Variants in SLC5A11 observed in about 807,000 individuals in gnomAD.
The protein encoded by SLC5A11 is sodium/myo-inositol cotransporter 2.
A neutral mutation model predicts 69.8 loss-of-function variants in SLC5A11; 48 were observed. The observed-to-expected ratio is 0.69, with a 90% CI of 0.55 to 0.87. The LOEUF is 0.87. SLC5A11 is among the 40% of genes least tolerant of loss of function. The pLI is 0.00. For synonymous variants in SLC5A11, 319 were observed against 342.4 expected (o/e 0.93, Z 0.75); for missense variants, 784 against 866.1 (o/e 0.91, Z 1.19).
intron 1 of SLC5A11, among the ~76,000 whole-genome samples, chr16:24,853,258 C>G (rs1044133783): frequency 7.0e-6 from 1 of 143,646 alleles, no homozygotes; most frequent in African/African-American, 2.7e-5. Context: ...GTCCCCAGGG[C>G]CTAGTACAGA....
At chr16:24,850,051 C>G (rs1002353086) in intron 1 of SLC5A11, among the ~76,000 whole-genome samples, 1 of 152,094 alleles carries the variant, frequency 6.6e-6, no homozygotes, top group Non-Finnish European at 1.5e-5. Context: ...AATCCTTCTG[C>G]CTCAGCCTCC....
exon 6 of SLC5A11, chr16:24,875,677 C>T (rs2047625017): frequency 1.3e-5 from 21 of 1,612,812 alleles, no homozygotes; most frequent in Non-Finnish European, 1.8e-5. Flanking sequence ...GCATCAGAAT[C>T]CCCATCATCC....
intron 1 of SLC5A11, among the ~76,000 whole-genome samples, chr16:24,852,624 C>G (rs1225868030): frequency 6.6e-6 from 1 of 152,186 alleles, no homozygotes; most frequent in Non-Finnish European, 1.5e-5. Flanking sequence ...CATCACCATG[C>G]AAGGGACAAA....
Position 24,894,749 on chromosome 16 carries a change from CG to C in SLC5A11, c.871-3223del, listed in dbSNP as rs550390091. 2.3e-3 allele frequency among the ~76,000 whole-genome samples: 351 copies of C among 151,824 alleles called. 1 individual carries two copies. Among genetic ancestry groups the C allele is most frequent in the Non-Finnish European group, 4.3e-3 (290 of 67,956 alleles). On this transcript the variant is annotated intron_variant, in intron 9 of 15. Transcript: ENST00000347898. The stretch of plus-strand genomic sequence containing the variant: ...CGGGAGGCGGAGCTTGCAGTGAACC[CG>C]GATCGCGCCACTGCACTCCAGCCTG...
chr16:24,901,943 C>CACAT (rs1210225065), intron 10 of SLC5A11, among the ~76,000 whole-genome samples: 1 of 118,072 alleles, frequency 8.5e-6, no homozygotes, highest in African/African-American at 3.4e-5. Context: ...CACACACACA[C>CACAT]ACACACACAC....
chr16:24,897,478 T>G (rs778143267), intron 9 of SLC5A11, among the ~76,000 whole-genome samples: 12 of 152,112 alleles, frequency 7.9e-5, no homozygotes, highest in Non-Finnish European at 1.0e-4. Flanking sequence ...AAAGAGATGT[T>G]TCTTCAAACA....
intron 7 of SLC5A11, among the ~76,000 whole-genome samples, chr16:24,882,303 T>C (rs909258124): frequency 1.3e-5 from 2 of 152,146 alleles, no homozygotes; most frequent in Admixed American, 1.3e-4. Context: ...ATGGTGGGGT[T>C]AAGTGGTACC....
intron 8 of SLC5A11, among the ~76,000 whole-genome samples, chr16:24,888,657 T>C (rs1219537173): frequency 1.3e-5 from 2 of 151,058 alleles, no homozygotes; most frequent in African/African-American, 4.9e-5. Context: ...CTTATTTTTG[T>C]ATTTTTAGTA....
chr16:24,908,616 A>AAG (rs35559524), intron 13 of SLC5A11, among the ~76,000 whole-genome samples: 12 of 151,528 alleles, frequency 7.9e-5, no homozygotes, highest in Non-Finnish European at 1.3e-4. Context: ...AAAAAAAAAA[A>AAG]GCAATGAGAG....
At chr16:24,849,621 T>TGC (rs1555516002) in intron 1 of SLC5A11, among the ~76,000 whole-genome samples, 1 of 123,698 alleles carries the variant, frequency 8.1e-6, no homozygotes, top group African/African-American at 3.1e-5. Context: ...TATATATATA[T>TGC]ATCCATGAGA....
chr16:24,849,593 A>AAAAAAAAAAAAAAAT, intron 1 of SLC5A11, among the ~76,000 whole-genome samples: 4 of 35,908 alleles, frequency 1.1e-4, no homozygotes, highest in African/African-American at 2.8e-4. Context: ...AAAAAAAAAA[A>AAAAAAAAAAAAAAAT]ATATATATAT....
At position 24,870,434 on chromosome 16, in the gene SLC5A11, CAAAAA is replaced by C. The variant is rs1297137037; in HGVS notation, c.312+434_312+438del. 8.5e-3 allele frequency among the ~76,000 whole-genome samples: 1,169 copies of C among 137,554 alleles called. 18 individuals are homozygous for C. The highest frequency in any genetic ancestry group is 0.03 in the African/African-American group (1,089 of 36,620). 90.2% of individuals were successfully genotyped at this position (137,554 alleles called of 152,430 possible). A position where few individuals can be genotyped will look rare whatever the true frequency, so the allele number is the denominator to read the frequency against. ...ACAAAACAAAACAAAACAAAAAAAA[CAAAAA>C]AAAACACACACACACACACACACAC... On this transcript the variant is annotated intron_variant, in intron 4 of 15. Coordinates refer to ENST00000347898, the Ensembl canonical transcript of SLC5A11.
At chr16:24,895,272 TAAG>T (rs1250077838) in intron 9 of SLC5A11, among the ~76,000 whole-genome samples, 2 of 151,952 alleles carry the variant, frequency 1.3e-5, no homozygotes, top group African/African-American at 4.8e-5. Flanking sequence ...GTGGATCACT[TAAG>T]GTCAGGAGTT....
intron 6 of SLC5A11, among the ~76,000 whole-genome samples, chr16:24,876,321 A>G (rs1019299890): frequency 2.6e-5 from 4 of 152,140 alleles, no homozygotes; most frequent in South Asian, 2.1e-4. Flanking sequence ...GGGTTGATCA[A>G]TGGGACTCCA....
chr16:24,888,892 G>A (rs1191924158), intron 8 of SLC5A11, among the ~76,000 whole-genome samples: 1 of 145,168 alleles, frequency 6.9e-6, no homozygotes, highest in Non-Finnish European at 1.5e-5. Context: ...CACCTCCCGG[G>A]TTCAAGCAAT....
chr16:24,858,611 C>G lies in SLC5A11; in HGVS notation c.-24-9C>G. ...ATCTGGCATTTGACTGGCATTTGCC[C>G]TTCCTCAGGATCCAGAGGTCTCGTT... is the stretch of plus-strand genomic sequence containing the variant. On this transcript the variant is annotated splice_polypyrimidine_tract_variant and intron_variant, in intron 1 of 15. Coordinates refer to ENST00000347898, the Ensembl canonical transcript of SLC5A11. The G allele has an allele frequency of 6.3e-7, 1 of 1,583,346 alleles. No individual in the cohort carries two copies. The highest frequency in any genetic ancestry group is 8.6e-7 in the Non-Finnish European group (1 of 1,162,942).
At chr16:24,862,926 A>G (rs972975437) in intron 3 of SLC5A11, among the ~76,000 whole-genome samples, 1 of 142,410 alleles carries the variant, frequency 7.0e-6, no homozygotes, top group Non-Finnish European at 1.5e-5. Flanking sequence ...ATTTATATAA[A>G]TATATATTAT....
chr16:24,871,993 T>G (rs966911823), intron 4 of SLC5A11, among the ~76,000 whole-genome samples, 167 bp from the exon 6 acceptor site: 2 of 152,044 alleles, frequency 1.3e-5, no homozygotes, highest in African/African-American at 2.4e-5. Flanking sequence ...CCATTCCCCA[T>G]GTTAAAAAAG....
At chr16:24,891,432 A>G (rs2048802942) in intron 9 of SLC5A11, among the ~76,000 whole-genome samples, 1 of 150,218 alleles carries the variant, frequency 6.7e-6, no homozygotes, top group South Asian at 2.1e-4. Context: ...CTCCCATGTC[A>G]GCCTCCTGAG....
Sources: allele counts gnomAD v4.1 joint callset (sites outside exome capture counted in the v4.1 genomes callset), GRCh38; gene constraint gnomAD v4.1.1; transcripts MANE v1.5; gene names NCBI Gene and HGNC (gene_info 2026-07-23, HGNC 2026-07-21).